The following OTUD7A variants were observed in gnomAD, a reference collection of about 807,000 sequenced individuals.
OTUD7A encodes the protein OTU deubiquitinase 7A.
A neutral mutation model predicts 65.7 loss-of-function variants in OTUD7A; 12 were observed. The ratio of observed to expected loss-of-function variants is 0.18; its 90% confidence interval spans 0.12 to 0.30. The LOEUF (loss-of-function observed/expected upper bound fraction) is 0.30. Among genes scored for constraint, OTUD7A ranks in the 10% least tolerant of loss-of-function variants. The pLI is 1.00. For missense variants in OTUD7A, 1,148 were observed against 1,304.8 expected (o/e 0.88, Z 1.85); for synonymous variants, 641 against 586.3 (o/e 1.09, Z -1.35).
chr15:31,543,415 G>A (rs1050384037), intron 5 of OTUD7A, among the ~76,000 whole-genome samples: 5 of 151,856 alleles, frequency 3.3e-5, no homozygotes, highest in Admixed American at 2.6e-4. Context: ...AATGGCAATT[G>A]CATTAAAAAT....
chr15:31,535,957 G>T (rs1046633947), intron 5 of OTUD7A, among the ~76,000 whole-genome samples: 1 of 152,152 alleles, frequency 6.6e-6, no homozygotes, highest in Non-Finnish European at 1.5e-5. Context: ...TGGGATTACA[G>T]GTGTGAGCCA....
At chr15:31,573,787 G>A (rs1889122859) in intron 3 of OTUD7A, among the ~76,000 whole-genome samples, 1 of 152,234 alleles carries the variant, frequency 6.6e-6, no homozygotes, top group Non-Finnish European at 1.5e-5. Flanking sequence ...TGTAGTCCCA[G>A]CTGCTCAGAA....
intron 1 of OTUD7A, among the ~76,000 whole-genome samples, chr15:31,793,742 A>G (rs1895879531): frequency 6.6e-6 from 1 of 152,204 alleles, no homozygotes; most frequent in African/African-American, 2.4e-5. Context: ...AATGACTTGG[A>G]GCATGTTTCT....
chr15:31,808,146 C>A, intron 1 of OTUD7A, among the ~76,000 whole-genome samples: 1 of 117,540 alleles, frequency 8.5e-6, no homozygotes, highest in Non-Finnish European at 1.8e-5. Context: ...CAAACAAATC[C>A]TCACCAGGTT....
chr15:31,594,953 G>A (rs1421220816), intron 3 of OTUD7A, among the ~76,000 whole-genome samples: 1 of 152,230 alleles, frequency 6.6e-6, no homozygotes, highest in African/African-American at 2.4e-5. Context: ...GTCCACCCAG[G>A]AACCATGTTC....
At chr15:31,860,760 C>T (rs1897719164) in intron 1 of OTUD7A, among the ~76,000 whole-genome samples, 1 of 143,960 alleles carries the variant, frequency 6.9e-6, no homozygotes, top group Non-Finnish European at 1.5e-5. Context: ...GGCTGGAGTG[C>T]AGTGGTGCAA....
intron 3 of OTUD7A, among the ~76,000 whole-genome samples, chr15:31,634,793 G>A (rs904073841): frequency 1.3e-5 from 2 of 152,204 alleles, no homozygotes; most frequent in African/African-American, 2.4e-5. Flanking sequence ...CAGTGTCCTC[G>A]CCTCAGTCTG....
intron 5 of OTUD7A, among the ~76,000 whole-genome samples, chr15:31,531,359 A>C (rs1887614313): frequency 6.6e-6 from 1 of 152,158 alleles, no homozygotes. Flanking sequence ...AATTATGTAT[A>C]AAATCATATT....
intron 1 of OTUD7A, among the ~76,000 whole-genome samples, chr15:31,713,065 C>T (rs1237886421): frequency 6.6e-6 from 1 of 152,118 alleles, no homozygotes; most frequent in Non-Finnish European, 1.5e-5. Flanking sequence ...TTATAGAGGT[C>T]ATATTTGACA....
intron 1 of OTUD7A, among the ~76,000 whole-genome samples, chr15:31,861,939 G>C (rs1897752979): frequency 6.6e-6 from 1 of 152,332 alleles, no homozygotes; most frequent in African/African-American, 2.4e-5. Flanking sequence ...CCAATGGCAA[G>C]AGATGGCCAG....
At chr15:31,548,391 C>T (rs1362611055) in intron 5 of OTUD7A, among the ~76,000 whole-genome samples, 2 of 151,940 alleles carry the variant, frequency 1.3e-5, no homozygotes, top group Non-Finnish European at 2.9e-5. Context: ...TAAGAAAATC[C>T]AATAAATCAT....
chr15:31,638,378 CTTTTTTT>C (rs34239466), intron 3 of OTUD7A, among the ~76,000 whole-genome samples: 3 of 134,574 alleles, frequency 2.2e-5, no homozygotes, highest in Non-Finnish European at 4.7e-5. Flanking sequence ...ATAAAGATAA[CTTTTTTT>C]TTTTTTTTTT....
chr15:31,528,358 A>G (rs1276557357), intron 6 of OTUD7A, among the ~76,000 whole-genome samples: 2 of 152,254 alleles, frequency 1.3e-5, no homozygotes, highest in Non-Finnish European at 2.9e-5. Flanking sequence ...ACTTGAGAAA[A>G]GGCAAGAGGG....
intron 8 of OTUD7A, among the ~76,000 whole-genome samples, chr15:31,514,862 C>T (rs2041818570): frequency 2.0e-5 from 3 of 152,232 alleles, no homozygotes; most frequent in South Asian, 4.1e-4. Context: ...GACATGAATA[C>T]ATATTCACAC....
intron 1 of OTUD7A, among the ~76,000 whole-genome samples, chr15:31,703,151 C>G (rs1005053151): frequency 2.6e-5 from 4 of 151,912 alleles, no homozygotes; most frequent in Non-Finnish European, 4.4e-5. Flanking sequence ...GACTACAAAA[C>G]TTTTTGAAAA....
At chr15:31,794,714 C>T (rs1895907097) in intron 1 of OTUD7A, among the ~76,000 whole-genome samples, 2 of 152,134 alleles carry the variant, frequency 1.3e-5, no homozygotes, top group South Asian at 2.1e-4. Context: ...ACCTCGCCCC[C>T]CAGCCCACCG....
chr15:31,839,624 A>T (rs1014987614), intron 1 of OTUD7A, among the ~76,000 whole-genome samples: 1 of 152,126 alleles, frequency 6.6e-6, no homozygotes, highest in Admixed American at 6.5e-5. Flanking sequence ...CTCTTCTATA[A>T]ACTTCTATGG....
At chr15:31,620,057 G>C (rs555302722) in intron 3 of OTUD7A, among the ~76,000 whole-genome samples, 1 of 152,288 alleles carries the variant, frequency 6.6e-6, no homozygotes, top group South Asian at 2.1e-4. Context: ...CTGTTTATAT[G>C]CTGGATTACA....
At chr15:31,514,295 T>G (rs535602271) in intron 8 of OTUD7A, among the ~76,000 whole-genome samples, 5 of 151,998 alleles carry the variant, frequency 3.3e-5, no homozygotes, top group Non-Finnish European at 2.9e-5. Flanking sequence ...AAGTCATCCT[T>G]CTGTCTCAGC....
Sources: allele counts gnomAD v4.1 joint callset (sites outside exome capture counted in the v4.1 genomes callset), GRCh38; gene constraint gnomAD v4.1.1; transcripts MANE v1.5; gene names NCBI Gene and HGNC (gene_info 2026-07-23, HGNC 2026-07-21).